The following EPHB4 variants were observed in gnomAD, a reference collection of about 807,000 sequenced individuals.
EPHB4 encodes ephrin type-B receptor 4.
Under a neutral mutation model 110.6 loss-of-function variants are expected in EPHB4, and 50 were observed. The observed-to-expected ratio is 0.45, with a 90% CI of 0.36 to 0.57. EPHB4 has a LOEUF of 0.57. EPHB4 is among the 20% of genes least tolerant of loss of function. The pLI is 0.00. For synonymous variants in EPHB4, 592 were observed against 578.4 expected (o/e 1.02, Z -0.34); for missense variants, 1,128 against 1,382.1 (o/e 0.82, Z 2.91).
rs562045637 is a variant in EPHB4 at position 100,803,376 on chromosome 7, G to C, written c.*85C>G. On this transcript the variant is annotated 3_prime_UTR_variant, in exon 17 of 17. Transcript: ENST00000358173. ...CGGGCTCAAAGTGCAATCCAGCGGG[G>C]CACAGGGCTGGGGGCCTCTGTGAGT... 2.1e-5 allele frequency: 28 copies of C among 1,352,402 alleles called. No individual in the cohort carries two copies. The South Asian group carries it at 5.6e-4, about 27-fold the overall frequency. 83.8% of individuals were successfully genotyped at this position (1,352,402 alleles called of 1,614,324 possible). A position where few individuals can be genotyped will look rare whatever the true frequency, so the allele number is the denominator to read the frequency against.
intron 6 of EPHB4, 81 bp from the exon 7 acceptor site, chr7:100,818,725 C>A: frequency 6.8e-7 from 1 of 1,472,428 alleles, no homozygotes; most frequent in Non-Finnish European, 9.0e-7. Context: ...TTTTTCGAGA[C>A]GGAGTCGTGC....
Position 100,823,801 on chromosome 7 carries a change from T to C in EPHB4, c.254A>G (p.His85Arg), listed in dbSNP as rs751799980. ...TGWVPRRGAV[H>R]VYATLRFTML... ...GGTGAAGCGCAGCGTGGCGTACACGTGGACGGCGCCCCGCCGTGGGACCCA... is the reference window on the plus strand; with the variant it reads ...GGTGAAGCGCAGCGTGGCGTACACGCGGACGGCGCCCCGCCGTGGGACCCA... The change falls in exon 3 of 17, where the codon CAC becomes CGC. Residue 85 changes from histidine (H) to arginine (R), a missense_variant. Coordinates refer to ENST00000358173, the MANE Select transcript of EPHB4 (RefSeq NM_004444.5). The C allele has an allele frequency of 1.9e-6, 3 of 1,613,250 alleles. No individual in the cohort carries two copies. The highest frequency in any genetic ancestry group is 2.2e-5 in the South Asian group (2 of 91,070).
Position 100,818,635 on chromosome 7 carries a change from G to T in EPHB4, c.1307C>A (p.Ala436Glu), listed in dbSNP as rs1383546367. 1.2e-6 allele frequency: 2 copies of T among 1,609,580 alleles called. No individual in the cohort carries two copies. Among genetic ancestry groups the T allele is most frequent in the African/African-American group, 2.7e-5 (2 of 74,922 alleles). The change falls in exon 7 of 17, where the codon GCA becomes GAA. Residue 436 changes from alanine (A) to glutamate (E), a missense_variant. Around this residue, in one of 3 missense-constraint regions of EPHB4, gnomAD observed 728 missense variants for 828.6 expected, o/e 0.88. Transcript: ENST00000358173. ...CCGCGTCACCCGGATGTCAGACACT[G>T]CAGGAGGTACTGTGAGAGGCAGAGA... ...NVTTDREVPP[A>E]VSDIRVTRSS... is the part of the protein sequence containing the mutation.
At chr7:100,823,081 G>T (rs971116992) in intron 3 of EPHB4, among the ~76,000 whole-genome samples, 1 of 152,166 alleles carries the variant, frequency 6.6e-6, no homozygotes, top group Non-Finnish European at 1.5e-5. Flanking sequence ...GAGCCCAGGA[G>T]TTAGAGACCA....
Position 100,805,227 on chromosome 7 carries a change from C to T in EPHB4, c.2773G>A (p.Glu925Lys), listed in dbSNP as rs1194499047. The T allele has an allele frequency of 2.5e-6, 4 of 1,613,320 alleles. No homozygotes were observed. The highest frequency in any genetic ancestry group is 2.2e-5 in the East Asian group (1 of 44,882). The change falls in exon 16 of 17, where the codon GAA (glutamate) becomes AAA (lysine). Residue 925 changes from glutamate to lysine, a missense_variant. By Grantham distance (56) the Glu-to-Lys change is moderately conservative. Coordinates refer to ENST00000358173, the MANE Select transcript of EPHB4 (RefSeq NM_004444.5). ...WLRAIKMGRY[E>K]ESFAAAGFGS... ...AAGCCAGCGGCTGCGAAACTTTCTT[C>T]GTATCTTCCCATTTTGATGGCCCGA...
At chr7:100,821,982 G>A (rs1049585340) in intron 4 of EPHB4, among the ~76,000 whole-genome samples, 6 of 152,114 alleles carry the variant, frequency 3.9e-5, no homozygotes, top group Middle Eastern at 3.4e-3. Flanking sequence ...CCAACATGGC[G>A]AAACCCCGTC....
chr7:100,812,794 T>C lies in EPHB4; in HGVS notation c.2071A>G (p.Ile691Val). The C allele has an allele frequency of 6.2e-7, 1 of 1,614,140 alleles. No individual in the cohort carries two copies. Among genetic ancestry groups the C allele is most frequent in the South Asian group, 1.1e-5 (1 of 91,084 alleles). The change falls in exon 12 of 17, where the codon ATT becomes GTT. Residue 691 changes from isoleucine to valine, a missense_variant. Transcript: ENST00000358173. ...GVVTNSMPVM[I>V]LTEFMENGAL... is the part of the protein sequence containing the mutation. The stretch of plus-strand genomic sequence containing the variant: ...CCGTTCTCCATGAACTCTGTGAGAA[T>C]CATGACGGGCATGCTGTTGGTGACC...
rs1181837179 is a variant in EPHB4, at chr7:100,805,652, G to C, written c.2527C>G (p.Pro843Ala). 2.6e-6 allele frequency: 4 copies of C among 1,540,658 alleles called. No individual in the cohort carries two copies. In the East Asian group the frequency reaches 9.2e-5, roughly 35 times the overall value. The change falls in exon 15 of 17, where the codon CCA (proline) becomes GCA (alanine). Residue 843 changes from proline to alanine, a missense_variant. Pro to Ala is a conservative substitution (Grantham distance 27). Transcript: ENST00000358173. ...TGGTGGAGGGAGGTGGGACAGTCTG[G>C]GGGCGGGGGCAGCCGGTAGTCCTGT... ...IEQDYRLPPP[P>A]DCPTSLHQLM...
chr7:100,824,272 C>G lies in EPHB4; in HGVS notation c.54G>C (p.Glu18Asp), dbSNP rs920385010. 1 of 1,613,834 alleles carries G rather than the reference C, an allele frequency of 6.2e-7. No individual in the cohort carries two copies. The highest frequency in any genetic ancestry group is 1.3e-5 in the African/African-American group (1 of 74,924). ...CWASLAAALEETLLNTKLETA... is the reference protein window; with the variant it reads ...CWASLAAALEDTLLNTKLETA... ...TTTCCAATTTTGTGTTCAGCAGGGT[C>G]TCTGAGACAGACAGAGAGACAGAGT... Residue 18 changes from glutamate to aspartate, a missense_variant and splice_region_variant, in exon 2 of 17, where the codon GAG becomes GAC. Physicochemically the swap from Glu to Asp is conservative, Grantham distance 45. This residue lies in a region of EPHB4 where 728 missense variants were observed against 828.6 expected (regional missense o/e 0.88). Coordinates refer to ENST00000358173, the MANE Select transcript of EPHB4 (RefSeq NM_004444.5).
chr7:100,827,494 G>C lies in EPHB4; in HGVS notation c.-464C>G, dbSNP rs1813444527. The C allele has an allele frequency of 6.6e-6, 1 of 151,482 alleles. No individual in the cohort carries two copies. Among genetic ancestry groups the C allele is most frequent in the Non-Finnish European group, 1.5e-5 (1 of 67,718 alleles). The allele number at this position is 151,482 out of a possible 1,614,324, so 9.4% of individuals were successfully genotyped here. On this transcript the variant is annotated 5_prime_UTR_variant, in exon 1 of 17. Coordinates refer to ENST00000358173, the MANE Select transcript of EPHB4 (RefSeq NM_004444.5). The stretch of plus-strand genomic sequence containing the variant: ...TGCGGCGCGGAGCCGGGCGGGCCGG[G>C]CCGGGCAGGGGCTGAGCTGCGCTGG...
intron 3 of EPHB4, 113 bp downstream of exon 3, chr7:100,823,531 C>CCCCAGCGCGCGGG: frequency 7.3e-7 from 1 of 1,378,304 alleles, no homozygotes; most frequent in Non-Finnish European, 9.8e-7. Context: ...TGCTTCCAGC[C>CCCCAGCGCGCGGG]CCCAGCGCGC....
At chr7:100,824,595 G>A (rs1253480565) in intron 1 of EPHB4, 9 of 309,234 alleles carry the variant, frequency 2.9e-5, no homozygotes, top group Admixed American at 8.9e-5. Context: ...TGAGAGCTGC[G>A]CCCTGGTCCT....
intron 8 of EPHB4, among the ~76,000 whole-genome samples, chr7:100,814,567 CA>C (rs1380712197): frequency 6.6e-6 from 1 of 151,926 alleles, no homozygotes; most frequent in Non-Finnish European, 1.5e-5. Context: ...CCAGAGTCCA[CA>C]AAAAAATCTC....
chr7:100,823,619 C>T (rs377471594), intron 3 of EPHB4, 25 bp downstream of exon 3: 2 of 1,602,856 alleles, frequency 1.2e-6, no homozygotes, highest in African/African-American at 2.7e-5. Flanking sequence ...TTGGCTGTGG[C>T]TGAGCCCTGG....
At position 100,822,481 on chromosome 7, in the gene EPHB4, G is replaced by C; in HGVS notation, c.598C>G (p.Leu200Val). 6.2e-7 allele frequency: 1 copy of C among 1,612,124 alleles called. No individual in the cohort carries two copies. The highest frequency in any genetic ancestry group is 1.1e-5 in the South Asian group (1 of 91,014). ...GGGAATCGAGTCAGGTTCACAGTCA[G>C]CTGGGCGCACTTTTTGTAGAAGAGG... ...LHLFYKKCAQ[L>V]TVNLTRFPET... Residue 200 changes from leucine (L) to valine (V), a missense_variant, in exon 4 of 17, where the codon CTG becomes GTG. Physicochemically the swap from Leu to Val is conservative, Grantham distance 32 (BLOSUM62 1). This residue lies in a region of EPHB4 where 728 missense variants were observed against 828.6 expected (regional missense o/e 0.88). Transcript: ENST00000358173. This position sits in a 1 kb window ranked among gnomAD's most constrained non-coding sequence, Gnocchi z 4.7.
chr7:100,817,093 A>G (rs1170878445), intron 8 of EPHB4, 99 bp downstream of exon 8: 1 of 1,258,676 alleles, frequency 7.9e-7, no homozygotes, highest in Non-Finnish European at 1.0e-6. Flanking sequence ...AAAAAAAAAA[A>G]AAAAAAAAAA....
chr7:100,804,378 G>A (rs314350), intron 16 of EPHB4, among the ~76,000 whole-genome samples: 48,055 of 137,552 alleles, frequency 0.35, 8,556 homozygotes, highest in Middle Eastern at 0.44. Context: ...GCAGTGGTGC[G>A]ATCTCGGCTC....
intron 1 of EPHB4, chr7:100,824,503 CCCCAGATCTAGGCCT>C: frequency 1.8e-6 from 1 of 550,666 alleles, no homozygotes; most frequent in Non-Finnish European, 3.3e-6. Flanking sequence ...CCTTGGGATA[CCCCAGATCTAGGCCT>C]CCCTGGAGGA....
rs1813270812 is a variant in EPHB4, at chr7:100,822,822, C to T, written c.412-155G>A. 6.6e-6 allele frequency among the ~76,000 whole-genome samples: 1 copy of T among 152,232 alleles called. No individual in the cohort carries two copies. The highest frequency in any genetic ancestry group is 1.5e-5 in the Non-Finnish European group (1 of 68,038). On this transcript the variant is annotated intron_variant, in intron 3 of 16. Coordinates refer to ENST00000358173, the MANE Select transcript of EPHB4 (RefSeq NM_004444.5). This position sits in a 1 kb window ranked among gnomAD's most constrained non-coding sequence, Gnocchi z 4.7. ...CCAGGGCACACTTTCTGCAGGCCCC[C>T]ACACTGTCCATTCAGCCTTGCAAAG...
Sources: gnomAD v4.1 joint callset for allele counts (sites outside exome capture counted in the v4.1 genomes callset) on GRCh38, gnomAD v4.1.1 for gene constraint, gnomAD v4.1.1 regional missense constraint, Gnocchi (gnomAD v3.1) non-coding constraint, MANE v1.5 for transcripts, NCBI Gene and HGNC (gene_info 2026-07-23, HGNC 2026-07-21) for gene names.